The following UBAC2 variants were observed in gnomAD, a reference collection of about 807,000 sequenced individuals.
UBAC2 encodes ubiquitin-associated domain-containing protein 2.
Under a neutral mutation model 44.0 loss-of-function variants are expected in UBAC2, and 26 were observed. The observed-to-expected ratio is 0.59, with a 90% CI of 0.43 to 0.82. The LOEUF is 0.82. UBAC2 is among the 40% of genes least tolerant of loss of function. UBAC2 has a pLI of 0.00. For missense variants in UBAC2, 329 were observed against 419.4 expected, an observed-to-expected ratio of 0.78 and a Z score of 1.88; for synonymous variants, 155 against 154.3, an observed-to-expected ratio of 1.00 and a Z score of -0.04.
rs1401122721 is a variant in UBAC2, at chr13:99,238,518, T to C, written c.123T>C (p.Phe41=). 3.1e-6 allele frequency: 5 copies of C among 1,613,708 alleles called. No individual in the cohort carries two copies. Among genetic ancestry groups the C allele is most frequent in the Non-Finnish European group, 4.2e-6 (5 of 1,179,842 alleles). The change falls in exon 2 of 9, where the codon TTT becomes TTC. Residue 41 remains phenylalanine, a synonymous_variant. Coordinates refer to ENST00000403766, the MANE Select transcript of UBAC2 (RefSeq NM_001144072.2). ...ALLLPHCQKL[F]VYDLHAVKND... ...TCCTGCCTCACTGCCAGAAGCTCTT[T>C]GTGTATGACCTTCACGCAGTCAAGA...
intron 2 of UBAC2, among the ~76,000 whole-genome samples, chr13:99,240,002 A>G (rs554755556): frequency 2.7e-4 from 41 of 152,298 alleles, no homozygotes; most frequent in South Asian, 1.2e-3. Flanking sequence ...AGGGAAGGGC[A>G]TTTTACTTCA....
In UBAC2 at chr13:99,271,474, G is replaced by GT. The variant is rs773878235; in HGVS notation, c.389+26851dup. On this transcript the variant is annotated intron_variant, in intron 4 of 8. Coordinates refer to ENST00000403766, the MANE Select transcript of UBAC2 (RefSeq NM_001144072.2). The stretch of plus-strand genomic sequence containing the variant: ...GATAGCAGGAGATGAGGCCAGGGAG[G>GT]TAAGAGTGGTCACTGTCCTGTCAGG... 1.2e-4 allele frequency among the ~76,000 whole-genome samples: 19 copies of GT among 152,250 alleles called. 1 individual carries two copies. In the South Asian group the frequency reaches 1.7e-3, roughly 13 times the overall value.
At chr13:99,284,531 T>C (rs2043993758) in intron 4 of UBAC2, among the ~76,000 whole-genome samples, 1 of 152,242 alleles carries the variant, frequency 6.6e-6, no homozygotes, top group Admixed American at 6.5e-5. Flanking sequence ...CTCTACACAG[T>C]ATTTTTTCTG....
At chr13:99,318,113 G>A (rs61970296) in intron 6 of UBAC2, 44 bp downstream of exon 6, 4 of 1,534,912 alleles carry the variant, frequency 2.6e-6, no homozygotes, top group Non-Finnish European at 3.6e-6. Context: ...TCTCTCTCCT[G>A]TAAAAACATT....
intron 4 of UBAC2, among the ~76,000 whole-genome samples, chr13:99,308,164 AG>A (rs1365592444): frequency 6.6e-6 from 1 of 152,246 alleles, no homozygotes; most frequent in Non-Finnish European, 1.5e-5. Flanking sequence ...CCAGATATGT[AG>A]CACTCAGATC....
At chr13:99,303,898 G>A (rs73568054) in intron 4 of UBAC2, among the ~76,000 whole-genome samples, 2,305 of 152,218 alleles carry the variant, frequency 0.015, 58 homozygotes, top group African/African-American at 0.054. Flanking sequence ...CCAGGACTCC[G>A]TGTTCTCCCT....
In UBAC2 at chr13:99,264,967, G is replaced by GTT. The variant is rs34026571; in HGVS notation, c.389+20359_389+20360dup. Among the ~76,000 whole-genome samples the GTT allele has an allele frequency of 1.7e-3, 236 of 135,180 alleles. 3 individuals are homozygous for GTT. The highest frequency in any genetic ancestry group is 5.5e-3 in the East Asian group (26 of 4,708). 88.7% of individuals were successfully genotyped at this position (135,180 alleles called of 152,430 possible). A position where few individuals can be genotyped will look rare whatever the true frequency, so the allele number is the denominator to read the frequency against. On this transcript the variant is annotated intron_variant, in intron 4 of 8. Transcript: ENST00000403766. ...TTAGTTCCTGATCTTTGCCATCGCT[G>GTT]TTTTTTTTTTTTTTTTTAATTGTTC...
chr13:99,256,696 T>C (rs12876124), intron 4 of UBAC2, among the ~76,000 whole-genome samples: 9,080 of 118,242 alleles, frequency 0.077, 375 homozygotes, highest in Middle Eastern at 0.17. Context: ...TAGAAACTTA[T>C]AAATTTCCAT....
chr13:99,314,039 CT>C, intron 4 of UBAC2, 57 bp from the exon 5 acceptor site: 1 of 1,516,220 alleles, frequency 6.6e-7, no homozygotes, highest in South Asian at 1.3e-5. Flanking sequence ...AAAGATACAT[CT>C]GCCATTTGTG....
intron 6 of UBAC2, among the ~76,000 whole-genome samples, chr13:99,323,168 C>A (rs1009262864): frequency 1.3e-5 from 2 of 152,064 alleles, no homozygotes; most frequent in Middle Eastern, 3.2e-3. Flanking sequence ...CCTTAGATTG[C>A]TTCTCCATTG....
chr13:99,279,884 G>A (rs969022399), intron 4 of UBAC2, among the ~76,000 whole-genome samples: 2 of 152,164 alleles, frequency 1.3e-5, no homozygotes, highest in Non-Finnish European at 2.9e-5. Flanking sequence ...GCATCACACT[G>A]GGGGTTAGGA....
intron 1 of UBAC2, chr13:99,234,463 T>G: frequency 5.8e-6 from 1 of 173,830 alleles, no homozygotes; most frequent in Non-Finnish European, 1.3e-5. Flanking sequence ...GTGCTGGGAT[T>G]ACAGGCGTGA....
At chr13:99,276,109 C>T (rs1488314252) in intron 4 of UBAC2, among the ~76,000 whole-genome samples, 1 of 152,154 alleles carries the variant, frequency 6.6e-6, no homozygotes, top group Non-Finnish European at 1.5e-5. Flanking sequence ...TTTTCTGCTT[C>T]TAAATAATAA....
chr13:99,201,684 G>A, intron 1 of UBAC2: 1 of 1,156,676 alleles, frequency 8.6e-7, no homozygotes, highest in Non-Finnish European at 1.2e-6. Context: ...CAGCAACGGA[G>A]AACAGCTCTA....
rs748684446 is a variant in UBAC2 at position 99,276,700 on chromosome 13, T to A, written c.389+32076T>A. On this transcript the variant is annotated intron_variant, in intron 4 of 8. Coordinates refer to ENST00000403766, the MANE Select transcript of UBAC2 (RefSeq NM_001144072.2). Reference sequence around the variant, plus strand: ...GTTCCACCCCTCTAGTCACTTGGTCTTCCTGCTGGTCGGCCAGCTCCATCT... The same window carrying A: ...GTTCCACCCCTCTAGTCACTTGGTCATCCTGCTGGTCGGCCAGCTCCATCT... Among the ~76,000 whole-genome samples the A allele has an allele frequency of 2.0e-5, 3 of 152,334 alleles. No individual in the cohort carries two copies. The South Asian group carries it at 6.2e-4, about 32-fold the overall frequency.
intron 8 of UBAC2, among the ~76,000 whole-genome samples, chr13:99,371,319 C>T (rs1346031673): frequency 6.6e-6 from 1 of 152,118 alleles, no homozygotes; most frequent in Non-Finnish European, 1.5e-5. Flanking sequence ...CATACACTTT[C>T]TTATACATTG....
At chr13:99,226,236 C>T (rs1594017997) in intron 1 of UBAC2, among the ~76,000 whole-genome samples, 1 of 152,182 alleles carries the variant, frequency 6.6e-6, no homozygotes, top group Non-Finnish European at 1.5e-5. Flanking sequence ...GTAGGAAAGA[C>T]AACATGTCAG....
At chr13:99,282,860 G>A (rs1032255071) in intron 4 of UBAC2, among the ~76,000 whole-genome samples, 8 of 152,142 alleles carry the variant, frequency 5.3e-5, no homozygotes, top group Non-Finnish European at 1.0e-4. Flanking sequence ...TCTCATACCT[G>A]TCTTAGGGTT....
At chr13:99,301,857 T>C (rs1186893922) in intron 4 of UBAC2, among the ~76,000 whole-genome samples, 1 of 152,268 alleles carries the variant, frequency 6.6e-6, no homozygotes, top group Non-Finnish European at 1.5e-5. Context: ...TAGTTGGTGC[T>C]AGAATAACAG....
Sources: gnomAD v4.1 joint callset for allele counts (sites outside exome capture counted in the v4.1 genomes callset) on GRCh38, gnomAD v4.1.1 for gene constraint, MANE v1.5 for transcripts, NCBI Gene and HGNC (gene_info 2026-07-23, HGNC 2026-07-21) for gene names.